TMEM63A: variants seen among roughly 807,000 people sequenced by gnomAD.
The protein encoded by TMEM63A is transmembrane protein 63A.
A neutral mutation model predicts 100.6 loss-of-function variants in TMEM63A; 76 were observed. That is an observed-to-expected ratio of 0.76 (90% CI 0.63 to 0.91). TMEM63A has a LOEUF of 0.91. Among genes scored for constraint, TMEM63A ranks in the 40% least tolerant of loss-of-function variants. The pLI, the probability that TMEM63A is intolerant of heterozygous loss-of-function variation, is 0.00. For missense variants in TMEM63A, 876 were observed against 1,008.8 expected, an observed-to-expected ratio of 0.87 and a Z score of 1.78; for synonymous variants, 401 against 401.1, an observed-to-expected ratio of 1.00 and a Z score of 0.00.
At position 225,862,906 on chromosome 1, in the gene TMEM63A, AAGC is replaced by A; in HGVS notation, c.747-58_747-56del. 1.3e-6 allele frequency: 2 copies of A among 1,532,580 alleles called. No homozygotes were observed. The highest frequency in any genetic ancestry group is 1.8e-6 in the Non-Finnish European group (2 of 1,116,998). 94.9% of individuals were successfully genotyped at this position (1,532,580 alleles called of 1,614,324 possible). On this transcript the variant is annotated intron_variant, in intron 10 of 24. Coordinates refer to ENST00000366835, the MANE Select transcript of TMEM63A (RefSeq NM_014698.3). This position sits in a 1 kb window ranked among gnomAD's most constrained non-coding sequence, Gnocchi z 5.1. ...ACACCGTTGGAAAAGAAAACACCCCAAGCAGGAGACGTGCCCACGGATCCAAGG... is the reference window on the plus strand; with the variant it reads ...ACACCGTTGGAAAAGAAAACACCCCAAGGAGACGTGCCCACGGATCCAAGG...
chr1:225,843,839 T>C (rs1266072724), downstream of TMEM63A, among the ~76,000 whole-genome samples: 3 of 152,198 alleles, frequency 2.0e-5, no homozygotes, highest in Non-Finnish European at 2.9e-5. Context: ...TGGAACTAGT[T>C]TTCATTGACC....
At chr1:225,841,247 G>A (rs984280960), downstream of TMEM63A, 1 of 152,156 alleles carries the variant, frequency 6.6e-6, no homozygotes, top group East Asian at 1.9e-4. Flanking sequence ...TCAATATTAT[G>A]TTTGTGAGAT....
intron 20 of TMEM63A, among the ~76,000 whole-genome samples, chr1:225,850,856 C>T (rs764421181): frequency 1.6e-4 from 25 of 152,224 alleles, no homozygotes; most frequent in South Asian, 1.2e-3. Flanking sequence ...GGACTACGGG[C>T]GCCTGACACC....
downstream of TMEM63A, chr1:225,845,095 G>GAGGGGCGCAGGGCCACAGCCTCACCCCT (rs1668833610): frequency 6.3e-7 from 1 of 1,598,460 alleles, no homozygotes; most frequent in African/African-American, 1.3e-5. Flanking sequence ...GTGCAGGACG[G>GAGGGGCGCAGGGCCACAGCCTCACCCCT]AGGGGCGCAG....
Position 225,853,540 on chromosome 1 carries a change from G to T in TMEM63A, c.1797+89C>A. On this transcript the variant is annotated intron_variant, in intron 19 of 24. Transcript: ENST00000366835. This position sits in a 1 kb window ranked among gnomAD's most constrained non-coding sequence, Gnocchi z 4.0. ...AGTCAGGTAAATGCTACCCACTAGTGGGGGTAGTGGGGGTGAGAGGCCCTC... is the reference window on the plus strand; with the variant it reads ...AGTCAGGTAAATGCTACCCACTAGTTGGGGTAGTGGGGGTGAGAGGCCCTC... 4.7e-6 allele frequency: 6 copies of T among 1,263,784 alleles called. No individual in the cohort carries two copies. The highest frequency in any genetic ancestry group is 2.5e-4 in the Middle Eastern group (1 of 3,972). 78.3% of individuals were successfully genotyped at this position (1,263,784 alleles called of 1,614,324 possible).
rs1670021651 is a variant in TMEM63A, at chr1:225,862,986, C to G, written c.747-135G>C. 3 of 774,574 alleles carry G rather than the reference C, an allele frequency of 3.9e-6. No homozygotes were observed. The South Asian group carries it at 4.9e-5, about 13-fold the overall frequency. 48.0% of individuals were successfully genotyped at this position (774,574 alleles called of 1,614,324 possible). A position where few individuals can be genotyped will look rare whatever the true frequency, so the allele number is the denominator to read the frequency against. On this transcript the variant is annotated intron_variant, in intron 10 of 24. Coordinates refer to ENST00000366835, the MANE Select transcript of TMEM63A (RefSeq NM_014698.3). The surrounding 1 kb of genome is among the most constrained non-coding windows in gnomAD (Gnocchi z 5.1). The stretch of plus-strand genomic sequence containing the variant: ...CTGGTTTCTGTGCCAGCGGAGACCT[C>G]TCTTCTCTTTGTCTTTTATCCTCCA...
intron 18 of TMEM63A, 91 bp downstream of exon 18, chr1:225,855,787 C>T (rs369466064): frequency 1.4e-5 from 19 of 1,337,262 alleles, no homozygotes; most frequent in African/African-American, 4.4e-5. Flanking sequence ...GCATAGGCTA[C>T]GACCGCCCCC....
Position 225,853,690 on chromosome 1 carries a change from A to T in TMEM63A, c.1736T>A (p.Ile579Asn). The change falls in exon 19 of 25, where the codon ATC becomes AAC. Residue 579 changes from isoleucine to asparagine, a missense_variant. Physicochemically the swap from Ile to Asn is moderately radical, Grantham distance 149. This residue lies in a region of TMEM63A where 339 missense variants were observed against 342.3 expected (regional missense o/e 0.99). Transcript: ENST00000366835. The surrounding 1 kb of genome is among the most constrained non-coding windows in gnomAD (Gnocchi z 4.0). ...GMELLRLPGL[I>N]LYTFRMIMAK... is the part of the protein sequence containing the mutation. ...CATGATCATGCGGAAGGTATAGAGG[A>T]TGAGACCTGGCAGCCGCAGCAGCTC... is the stretch of plus-strand genomic sequence containing the variant. The T allele has an allele frequency of 6.3e-7, 1 of 1,587,964 alleles. No homozygotes were observed. The highest frequency in any genetic ancestry group is 8.6e-7 in the Non-Finnish European group (1 of 1,167,138).
chr1:225,873,236 A>T (rs1009758086), intron 4 of TMEM63A, among the ~76,000 whole-genome samples: 1 of 152,178 alleles, frequency 6.6e-6, no homozygotes, highest in Non-Finnish European at 1.5e-5. Flanking sequence ...CTTTTCAACC[A>T]GAGTACATGG....
rs1015132290 is a variant in TMEM63A, at chr1:225,845,835, G to GC, written c.*1103dup. On this transcript the variant is annotated 3_prime_UTR_variant, in exon 25 of 25. Transcript: ENST00000366835. ...AGTGAGAAGGCCCAGATAAGCCCAG[G>GC]CCCCCCAGGCCAGCGGACAGGCACA... The GC allele has an allele frequency of 6.0e-5, 13 of 217,400 alleles. No individual in the cohort carries two copies. The highest frequency in any genetic ancestry group is 1.2e-4 in the East Asian group (1 of 8,552). 13.5% of individuals were successfully genotyped at this position (217,400 alleles called of 1,614,324 possible).
intron 18 of TMEM63A, among the ~76,000 whole-genome samples, chr1:225,855,649 A>C (rs1401056086): frequency 6.6e-6 from 1 of 152,170 alleles, no homozygotes; most frequent in African/African-American, 2.4e-5. Context: ...TCTGGCCTAA[A>C]AAATTAACCA....
intron 6 of TMEM63A, among the ~76,000 whole-genome samples, chr1:225,869,666 C>CTTTTCTTTTTTTTTTTTTTTT (rs76862516): frequency 9.1e-6 from 1 of 109,914 alleles, no homozygotes; most frequent in Non-Finnish European, 1.7e-5. Flanking sequence ...CTTTTCTTTT[C>CTTTTCTTTTTTTTTTTTTTTT]TTTTTTTTTT....
Position 225,871,139 on chromosome 1 carries a change from G to A in TMEM63A, c.334-26C>T, listed in dbSNP as rs764005631. 57 of 1,611,950 alleles carry A rather than the reference G, an allele frequency of 3.5e-5. No individual in the cohort carries two copies. The East Asian group carries it at 9.1e-4, about 26-fold the overall frequency. ...CTGGAAACGGAGAGAACAGGGATTA[G>A]CTTCCAACATTTGTGTCTTTGAGAG... On this transcript the variant is annotated intron_variant, in intron 5 of 24. Transcript: ENST00000366835.
Position 225,853,694 on chromosome 1 carries a change from G to C in TMEM63A, c.1732C>G (p.Leu578Val). ...ATCATGCGGAAGGTATAGAGGATGAGACCTGGCAGCCGCAGCAGCTCCATG... is the reference window on the plus strand; with the variant it reads ...ATCATGCGGAAGGTATAGAGGATGACACCTGGCAGCCGCAGCAGCTCCATG... Reference protein sequence around the residue: ...NGMELLRLPGLILYTFRMIMA... With the variant: ...NGMELLRLPGVILYTFRMIMA... Residue 578 changes from leucine (L) to valine (V), a missense_variant, in exon 19 of 25, where the codon CTC (leucine) becomes GTC (valine). Physicochemically the swap from Leu to Val is conservative, Grantham distance 32 (BLOSUM62 1). Around this residue, in one of 5 missense-constraint regions of TMEM63A, gnomAD observed 339 missense variants for 342.3 expected, o/e 0.99. Coordinates refer to ENST00000366835, the MANE Select transcript of TMEM63A (RefSeq NM_014698.3). The surrounding 1 kb of genome is among the most constrained non-coding windows in gnomAD (Gnocchi z 4.0). The C allele has an allele frequency of 6.3e-7, 1 of 1,589,248 alleles. No individual in the cohort carries two copies. The highest frequency in any genetic ancestry group is 1.3e-5 in the African/African-American group (1 of 74,740).
In TMEM63A at chr1:225,867,551, T is replaced by C. The variant is rs1350062865; in HGVS notation, c.514+337A>G. Among the ~76,000 whole-genome samples, 1 of 152,172 alleles carries C rather than the reference T, an allele frequency of 6.6e-6. No individual in the cohort carries two copies. The highest frequency in any genetic ancestry group is 1.5e-5 in the Non-Finnish European group (1 of 68,034). Reference sequence around the variant, plus strand: ...ATGCCACACCCTGATTTTAATTAAGTATCATGGATATCTTCTGGGTCCATT... The same window carrying C: ...ATGCCACACCCTGATTTTAATTAAGCATCATGGATATCTTCTGGGTCCATT... On this transcript the variant is annotated intron_variant, in intron 7 of 24. Transcript: ENST00000366835. The surrounding 1 kb of genome is among the most constrained non-coding windows in gnomAD (Gnocchi z 4.6).
In TMEM63A at chr1:225,848,951, G is replaced by T; in HGVS notation, c.2133C>A (p.Cys711Ter). 6.3e-7 allele frequency: 1 copy of T among 1,598,800 alleles called. No individual in the cohort carries two copies. Among genetic ancestry groups the T allele is most frequent in the Non-Finnish European group, 8.5e-7 (1 of 1,173,016 alleles). The change falls in exon 22 of 25, where the codon TGC becomes TGA. Residue 711 changes from cysteine to a stop codon, truncating the protein, a stop_gained. Coordinates refer to ENST00000366835, the MANE Select transcript of TMEM63A (RefSeq NM_014698.3). LOFTEE classifies it high-confidence loss of function. ...AGCATCCAAAGCAGGTGTGAGCCAG[G>T]CAGACCAGGATGGTGAGCAGCAGCA... ...FLVLLLTILV[C>*]LAHTCFGCFK... is the part of the protein sequence containing the mutation.
downstream of TMEM63A, among the ~76,000 whole-genome samples, chr1:225,840,593 C>T (rs1469228983): frequency 6.6e-6 from 1 of 152,252 alleles, no homozygotes; most frequent in Admixed American, 6.5e-5. Flanking sequence ...AGACACAAAA[C>T]TTGTCAACAT....
At chr1:225,878,709 G>C (rs1248182849) in intron 2 of TMEM63A, among the ~76,000 whole-genome samples, 1 of 152,136 alleles carries the variant, frequency 6.6e-6, no homozygotes, top group African/African-American at 2.4e-5. Flanking sequence ...TGCTAAGTCT[G>C]GTGCTTCTAG....
intron 5 of TMEM63A, 45 bp from the exon 6 acceptor site, chr1:225,871,158 T>C: frequency 6.3e-7 from 1 of 1,596,534 alleles, no homozygotes; most frequent in Non-Finnish European, 8.6e-7. Flanking sequence ...ATTTGTGTCT[T>C]TGAGAGGCAG....
Sources: gnomAD v4.1 joint callset for allele counts (sites outside exome capture counted in the v4.1 genomes callset) on GRCh38, gnomAD v4.1.1 for gene constraint, gnomAD v4.1.1 regional missense constraint, Gnocchi (gnomAD v3.1) non-coding constraint, MANE v1.5 for transcripts, NCBI Gene and HGNC (gene_info 2026-07-23, HGNC 2026-07-21) for gene names.